Variants in SLC35H1 observed in about 807,000 individuals in gnomAD.
SLC35H1 encodes the protein ovarian cancer-overexpressed gene 1 protein.
chr20:46,356,253 T>G, the SLC35H1 span, among the ~76,000 whole-genome samples: 1 of 152,216 alleles, frequency 6.6e-6, no homozygotes, highest in African/African-American at 2.4e-5. Flanking sequence ...CTGCTGCGGC[T>G]GCGTGTACCA....
At chr20:46,351,948 C>G in the SLC35H1 span, 1 of 1,264,492 alleles carries the variant, frequency 7.9e-7, no homozygotes, top group East Asian at 2.5e-5. Flanking sequence ...CTTCTCTTCT[C>G]TGCAGGGCCC....
At chr20:46,350,984 G>A in the SLC35H1 span, 1 of 1,511,796 alleles carries the variant, frequency 6.6e-7, no homozygotes, top group Non-Finnish European at 9.0e-7. Flanking sequence ...GTACACTCAG[G>A]TGGGCAGATC....
the SLC35H1 span, chr20:46,350,496 C>T: frequency 1.2e-6 from 2 of 1,611,636 alleles, no homozygotes; most frequent in Non-Finnish European, 1.7e-6. Flanking sequence ...TGGAGCCCAG[C>T]CCCTTCAAGG....
the SLC35H1 span, chr20:46,358,523 A>T: frequency 6.2e-7 from 1 of 1,614,160 alleles, no homozygotes; most frequent in African/African-American, 1.3e-5. Context: ...CGGCTGCAGC[A>T]CCGGAGCTCC....
chr20:46,358,389 T>G, the SLC35H1 span: 1 of 1,614,034 alleles, frequency 6.2e-7, no homozygotes. Context: ...CCTGGTACCT[T>G]TGTCAGCCAC....
At chr20:46,358,777 A>C in the SLC35H1 span, 2 of 1,448,534 alleles carry the variant, frequency 1.4e-6, no homozygotes, top group Non-Finnish European at 1.9e-6. Context: ...CTGGGGAAAA[A>C]GGGCCGCTCT....
chr20:46,351,457 G>C, the SLC35H1 span, among the ~76,000 whole-genome samples: 7 of 152,188 alleles, frequency 4.6e-5, no homozygotes, highest in Admixed American at 4.6e-4. Context: ...TGGCCAAAGA[G>C]AAAAGTCCCT....
the SLC35H1 span, chr20:46,354,756 C>A: frequency 4.9e-6 from 4 of 818,970 alleles, no homozygotes; most frequent in Non-Finnish European, 7.8e-6. Context: ...CCAAACCATG[C>A]GCTTCCAGGG....
chr20:46,354,098 C>A, the SLC35H1 span, among the ~76,000 whole-genome samples: 4 of 152,126 alleles, frequency 2.6e-5, no homozygotes, highest in Non-Finnish European at 5.9e-5. Flanking sequence ...TCCCAGCCTA[C>A]ACAGTTCTCC....
At chr20:46,356,904 C>T in the SLC35H1 span, among the ~76,000 whole-genome samples, 33 of 152,238 alleles carry the variant, frequency 2.2e-4, no homozygotes, top group Non-Finnish European at 3.1e-4. Flanking sequence ...GCCCCCTGAG[C>T]GGAGGTATTA....
chr20:46,360,387 T>C, the SLC35H1 span, among the ~76,000 whole-genome samples: 2 of 152,160 alleles, frequency 1.3e-5, no homozygotes, highest in African/African-American at 4.8e-5. Flanking sequence ...TGTCAGTCTG[T>C]GTCTGTGGCC....
chr20:46,357,057 G>C, the SLC35H1 span, among the ~76,000 whole-genome samples: 1 of 152,098 alleles, frequency 6.6e-6, no homozygotes, highest in African/African-American at 2.4e-5. Flanking sequence ...GGCCAGCACC[G>C]GGTTCTCAGT....
the SLC35H1 span, among the ~76,000 whole-genome samples, chr20:46,359,116 T>C: frequency 2.9e-4 from 44 of 152,234 alleles, no homozygotes; most frequent in Non-Finnish European, 5.0e-4. Context: ...CTCCAGGACC[T>C]GGCCCCACTG....
At chr20:46,361,314 A>G in the SLC35H1 span, among the ~76,000 whole-genome samples, 1 of 152,176 alleles carries the variant, frequency 6.6e-6, no homozygotes, top group Non-Finnish European at 1.5e-5. Context: ...CATTCAATCA[A>G]TAAATACCGT....
At chr20:46,350,638 CCCA>C in the SLC35H1 span, 1 of 1,507,702 alleles carries the variant, frequency 6.6e-7, no homozygotes, top group East Asian at 2.3e-5. Flanking sequence ...GGAGATGACC[CCCA>C]CATCTTCCTA....
At chr20:46,353,381 G>A in the SLC35H1 span, among the ~76,000 whole-genome samples, 1 of 152,210 alleles carries the variant, frequency 6.6e-6, no homozygotes, top group South Asian at 2.1e-4. Flanking sequence ...CCATCTGGAA[G>A]AATGACTCCC....
At chr20:46,357,019 C>T in the SLC35H1 span, among the ~76,000 whole-genome samples, 3 of 152,196 alleles carry the variant, frequency 2.0e-5, no homozygotes, top group Non-Finnish European at 4.4e-5. Flanking sequence ...TGCCCACCCT[C>T]TCAGTTCTCA....
At chr20:46,360,689 C>T in the SLC35H1 span, among the ~76,000 whole-genome samples, 1 of 152,092 alleles carries the variant, frequency 6.6e-6, no homozygotes, top group African/African-American at 2.4e-5. Flanking sequence ...GGACTGATTA[C>T]AGGCATGCAC....
At chr20:46,353,053 C>A in the SLC35H1 span, 8,789 of 152,350 alleles carry the variant, frequency 0.058, 290 homozygotes, top group Middle Eastern at 0.12. Context: ...CCTTGGTCTA[C>A]ATTTCAGCCA....
Sources: gnomAD v4.1 joint callset for allele counts (sites outside exome capture counted in the v4.1 genomes callset) on GRCh38, gnomAD v4.1.1 for gene constraint, MANE v1.5 for transcripts, NCBI Gene and HGNC (gene_info 2026-07-23, HGNC 2026-07-21) for gene names.